The following ST8SIA4 variants were observed in gnomAD, a reference collection of about 807,000 sequenced individuals.
ST8SIA4 encodes CMP-N-acetylneuraminate-poly-alpha-2,8-sialyltransferase.
ST8SIA4 carries 15 observed loss-of-function variants against 33.9 expected under a neutral mutation model. That is an observed-to-expected ratio of 0.44 (90% confidence interval 0.30 to 0.68). The LOEUF (loss-of-function observed/expected upper bound fraction) is 0.68. ST8SIA4 is among the 30% of genes least tolerant of loss of function. The pLI, the probability that ST8SIA4 is intolerant of heterozygous loss-of-function variation, is 0.10. For synonymous variants in ST8SIA4, 171 were observed against 151.2 expected, an observed-to-expected ratio of 1.13 and a Z score of -0.96; for missense variants, 321 against 428.0, an observed-to-expected ratio of 0.75 and a Z score of 2.21.
At position 100,808,830 on chromosome 5, in the gene ST8SIA4, TACA is replaced by T. The variant is rs996772814; in HGVS notation, c.*3014_*3016del. On this transcript the variant is annotated 3_prime_UTR_variant, in exon 5 of 5. Coordinates refer to ENST00000231461, the MANE Select transcript of ST8SIA4 (RefSeq NM_005668.6). ...AAATGGGAGGGCAGATGGAAAGGTA[TACA>T]ACAAGGAATGAAATGGGCTTGTACA... is the stretch of plus-strand genomic sequence containing the variant. 6.6e-6 allele frequency: 1 copy of T among 152,646 alleles called. No homozygotes were observed. The highest frequency in any genetic ancestry group is 6.5e-5 in the Admixed American group (1 of 15,282). The allele number at this position is 152,646 out of a possible 1,614,324, so 9.5% of individuals were successfully genotyped here. A position where few individuals can be genotyped will look rare whatever the true frequency, so the allele number is the denominator to read the frequency against.
intron 4 of ST8SIA4, 146 bp downstream of exon 4, chr5:100,855,957 G>T: frequency 1.2e-6 from 1 of 828,966 alleles, no homozygotes; most frequent in Non-Finnish European, 1.8e-6. Flanking sequence ...CAAACTTCAA[G>T]TTTGTAAATA....
intron 3 of ST8SIA4, among the ~76,000 whole-genome samples, chr5:100,872,374 A>T (rs941443593): frequency 4.6e-5 from 7 of 152,070 alleles, no homozygotes; most frequent in African/African-American, 1.7e-4. Flanking sequence ...GTATCTTGAA[A>T]TATACAATAC....
chr5:100,808,950 C>T lies in ST8SIA4; in HGVS notation c.*2897G>A, dbSNP rs1750748202. ...TGAACAAAAGCAATCTCAATCGACACTGAAGCCCTTTTTTTCATGCTGAAC... is the reference window on the plus strand; with the variant it reads ...TGAACAAAAGCAATCTCAATCGACATTGAAGCCCTTTTTTTCATGCTGAAC... On this transcript the variant is annotated 3_prime_UTR_variant, in exon 5 of 5. Transcript: ENST00000231461. 1 of 152,588 alleles carries T rather than the reference C, an allele frequency of 6.6e-6. No individual in the cohort carries two copies. Among genetic ancestry groups the T allele is most frequent in the Admixed American group, 6.5e-5 (1 of 15,278 alleles). The allele number at this position is 152,588 out of a possible 1,614,324, so 9.5% of individuals were successfully genotyped here. A position where few individuals can be genotyped will look rare whatever the true frequency, so the allele number is the denominator to read the frequency against.
In ST8SIA4 at chr5:100,885,284, T is replaced by C. The variant is rs149875182; in HGVS notation, c.503+1059A>G. 1.1e-5 allele frequency: 9 copies of C among 835,812 alleles called. No homozygotes were observed. In the African/African-American group the frequency reaches 1.3e-4, roughly 12 times the overall value. 51.8% of individuals were successfully genotyped at this position (835,812 alleles called of 1,614,324 possible). ...TGATTTCACATTAATCTCTGACCCTTCACCCAAGAGAGAAAAGGAAAGATA... is the reference window on the plus strand; with the variant it reads ...TGATTTCACATTAATCTCTGACCCTCCACCCAAGAGAGAAAAGGAAAGATA... On this transcript the variant is annotated intron_variant, in intron 3 of 4. Transcript: ENST00000231461.
At chr5:100,882,786 C>T (rs1033466957) in intron 3 of ST8SIA4, among the ~76,000 whole-genome samples, 3 of 152,224 alleles carry the variant, frequency 2.0e-5, no homozygotes, top group Admixed American at 2.0e-4. Context: ...GGTGTAAGCC[C>T]GAAGCCTTTG....
intron 3 of ST8SIA4, among the ~76,000 whole-genome samples, chr5:100,882,070 G>A (rs1417787149): frequency 6.6e-6 from 1 of 152,216 alleles, no homozygotes; most frequent in Non-Finnish European, 1.5e-5. Flanking sequence ...TTGGAACCGT[G>A]TAACAGGCAG....
chr5:100,815,792 TAC>T (rs1313000225), intron 4 of ST8SIA4, among the ~76,000 whole-genome samples: 1 of 152,176 alleles, frequency 6.6e-6, no homozygotes, highest in Non-Finnish European at 1.5e-5. Context: ...TGTTTATAAG[TAC>T]TTGAGAAAGC....
At chr5:100,896,152 A>G (rs1259405651) in intron 1 of ST8SIA4, among the ~76,000 whole-genome samples, 1 of 152,084 alleles carries the variant, frequency 6.6e-6, no homozygotes, top group Non-Finnish European at 1.5e-5. Context: ...TGCAGTCCCA[A>G]GTTCATTGTA....
At chr5:100,853,097 A>G (rs886526852) in intron 4 of ST8SIA4, among the ~76,000 whole-genome samples, 2 of 152,188 alleles carry the variant, frequency 1.3e-5, no homozygotes, top group African/African-American at 4.8e-5. Flanking sequence ...GGTTTCAGAG[A>G]GGTAAGTCAA....
intron 4 of ST8SIA4, among the ~76,000 whole-genome samples, chr5:100,817,109 ATTTTTTTTTTTTTT>A (rs57222657): frequency 2.0e-4 from 15 of 74,326 alleles, no homozygotes; most frequent in East Asian, 9.4e-4. Context: ...CACCCAGCTA[ATTTTTTTTTTTTTT>A]TTTTTTTTTT....
intron 4 of ST8SIA4, among the ~76,000 whole-genome samples, chr5:100,842,937 G>A (rs1751497554): frequency 6.6e-6 from 1 of 151,768 alleles, no homozygotes; most frequent in African/African-American, 2.4e-5. Flanking sequence ...TGTAACTGAT[G>A]CAAATATTGT....
At chr5:100,815,149 T>TTTC (rs113103224) in intron 4 of ST8SIA4, among the ~76,000 whole-genome samples, 6,043 of 152,002 alleles carry the variant, frequency 0.04, 378 homozygotes, top group African/African-American at 0.14. Context: ...TATACATGTA[T>TTTC]TTCTTTCTAT....
Position 100,856,102 on chromosome 5 carries a change from C to A in ST8SIA4, c.797+1G>T. 1 of 1,613,250 alleles carries A rather than the reference C, an allele frequency of 6.2e-7. No homozygotes were observed. On this transcript the variant is annotated splice_donor_variant, in intron 4 of 4. Coordinates refer to ENST00000231461, the MANE Select transcript of ST8SIA4 (RefSeq NM_005668.6). LOFTEE classifies it high-confidence loss of function. ...CAAACTGGTCCTTTCCAGTCACTTACCCTCTGACAGCATGAATAAGTCTCA... is the reference window on the plus strand; with the variant it reads ...CAAACTGGTCCTTTCCAGTCACTTAACCTCTGACAGCATGAATAAGTCTCA...
intron 4 of ST8SIA4, among the ~76,000 whole-genome samples, chr5:100,850,419 G>A (rs531834828): frequency 6.6e-6 from 1 of 150,596 alleles, no homozygotes; most frequent in Admixed American, 6.6e-5. Context: ...TATTACTTTT[G>A]TTATAGTAGA....
intron 4 of ST8SIA4, chr5:100,849,249 G>C (rs1426018753): frequency 1.0e-6 from 1 of 984,690 alleles, no homozygotes; most frequent in Middle Eastern, 5.2e-4. Flanking sequence ...GAATCTATAC[G>C]ATTATATACA....
At chr5:100,832,452 AATG>A (rs1283988214) in intron 4 of ST8SIA4, among the ~76,000 whole-genome samples, 1 of 152,188 alleles carries the variant, frequency 6.6e-6, no homozygotes, top group Non-Finnish European at 1.5e-5. Context: ...CAGAAACTGC[AATG>A]ATAAGAAGAG....
intron 4 of ST8SIA4, among the ~76,000 whole-genome samples, chr5:100,838,502 A>G (rs1345465386): frequency 1.3e-5 from 2 of 151,970 alleles, no homozygotes; most frequent in Non-Finnish European, 2.9e-5. Context: ...ACGAATACAC[A>G]TCAAATAACA....
chr5:100,828,527 T>C (rs1377544990), intron 4 of ST8SIA4, among the ~76,000 whole-genome samples: 1 of 152,074 alleles, frequency 6.6e-6, no homozygotes, highest in Admixed American at 6.6e-5. Context: ...GAAACATAGG[T>C]TGGATTTAAG....
At chr5:100,812,291 CTTTTA>C (rs763419124) in intron 4 of ST8SIA4, among the ~76,000 whole-genome samples, 162 bp from the exon 5 acceptor site, 22 of 151,986 alleles carry the variant, frequency 1.4e-4, no homozygotes, top group Non-Finnish European at 2.5e-4. Flanking sequence ...AAATTTGATG[CTTTTA>C]TTTTATTTCT....
Sources: allele counts gnomAD v4.1 joint callset (sites outside exome capture counted in the v4.1 genomes callset), GRCh38; gene constraint gnomAD v4.1.1; transcripts MANE v1.5; gene names NCBI Gene and HGNC (gene_info 2026-07-23, HGNC 2026-07-21).